Variants in HTR1E observed in about 807,000 individuals in gnomAD.
HTR1E encodes 5-hydroxytryptamine receptor 1E, also known as 5-HT-1E.
In HTR1E, 3 loss-of-function variants were observed where a neutral mutation model predicts 3.4. That is an observed-to-expected ratio of 0.89 (90% CI 0.41 to 2.31). The LOEUF (loss-of-function observed/expected upper bound fraction) is 2.31. Ranked by LOEUF, HTR1E falls within the 30% of genes most tolerant of loss-of-function variation. HTR1E has a pLI of 0.05. For synonymous variants in HTR1E, 170 were observed against 182.8 expected, an observed-to-expected ratio of 0.93 and a Z score of 0.56; for missense variants, 392 against 467.0, an observed-to-expected ratio of 0.84 and a Z score of 1.48.
intron 1 of HTR1E, among the ~76,000 whole-genome samples, chr6:86,980,386 CAA>C (rs200335569): frequency 1.4e-4 from 12 of 86,730 alleles, no homozygotes; most frequent in East Asian, 3.6e-4. Context: ...GACTCTGTCT[CAA>C]AAAAAAAAAA....
chr6:87,015,751 C>G lies in HTR1E; in HGVS notation c.417C>G (p.Ala139=), dbSNP rs146428063. The change falls in exon 2 of 2, where the codon GCC becomes GCG. Residue 139 remains alanine (A), a synonymous_variant. Transcript: ENST00000305344. ...CCAGGAAGAGGACGGCCAAGAGGGC[C>G]GCGCTGATGATCCTTACCGTCTGGA... The part of the protein sequence containing the change: ...EYARKRTAKR[A]ALMILTVWTI... 2 of 1,609,480 alleles carry G rather than the reference C, an allele frequency of 1.2e-6. No homozygotes were observed. The highest frequency in any genetic ancestry group is 1.1e-5 in the South Asian group (1 of 90,332).
intron 1 of HTR1E, among the ~76,000 whole-genome samples, chr6:87,004,532 T>C (rs1768074584): frequency 6.6e-6 from 1 of 151,526 alleles, no homozygotes; most frequent in African/African-American, 2.4e-5. Context: ...AAGCACTTGA[T>C]AAAATTCAAC....
chr6:86,996,283 C>A (rs865866818), intron 1 of HTR1E, among the ~76,000 whole-genome samples: 1 of 152,080 alleles, frequency 6.6e-6, no homozygotes, highest in Non-Finnish European at 1.5e-5. Context: ...TGGAACCCAA[C>A]TAGAAATCAA....
intron 1 of HTR1E, among the ~76,000 whole-genome samples, chr6:87,013,667 TA>T (rs58139662): frequency 0.13 from 19,829 of 151,474 alleles, 2,086 homozygotes; most frequent in East Asian, 0.29. Context: ...TTTTCAAATG[TA>T]AAAAAAAGCC....
At chr6:86,944,953 G>T (rs1459823669) in intron 1 of HTR1E, among the ~76,000 whole-genome samples, 1 of 151,790 alleles carries the variant, frequency 6.6e-6, no homozygotes, top group Non-Finnish European at 1.5e-5. Flanking sequence ...ATAAACAACT[G>T]TTACTGGTTT....
At chr6:86,963,886 A>G (rs1474900665) in intron 1 of HTR1E, among the ~76,000 whole-genome samples, 1 of 152,210 alleles carries the variant, frequency 6.6e-6, no homozygotes, top group Non-Finnish European at 1.5e-5. Flanking sequence ...TAAGCAATGC[A>G]GGACTATACT....
At chr6:87,007,933 C>CAA (rs57527652) in intron 1 of HTR1E, among the ~76,000 whole-genome samples, 6 of 146,906 alleles carry the variant, frequency 4.1e-5, no homozygotes, top group African/African-American at 1.5e-4. Flanking sequence ...GATTCTGTCT[C>CAA]AAAAAAAAAA....
chr6:86,950,664 A>G (rs142481774), intron 1 of HTR1E, among the ~76,000 whole-genome samples: 21 of 152,318 alleles, frequency 1.4e-4, no homozygotes, highest in African/African-American at 3.8e-4. Flanking sequence ...AGCACTCAAA[A>G]ATAATAAGAC....
chr6:86,985,985 T>C (rs1251891832), intron 1 of HTR1E, among the ~76,000 whole-genome samples: 1 of 152,174 alleles, frequency 6.6e-6, no homozygotes, highest in Non-Finnish European at 1.5e-5. Context: ...CAGATTAAAT[T>C]TACTGGAATT....
intron 1 of HTR1E, among the ~76,000 whole-genome samples, chr6:86,944,292 A>G (rs1768584879): frequency 6.6e-6 from 1 of 152,220 alleles, no homozygotes; most frequent in Non-Finnish European, 1.5e-5. Context: ...GGAAGGGATT[A>G]CACAGTGGGA....
intron 1 of HTR1E, among the ~76,000 whole-genome samples, chr6:86,952,669 A>G (rs926227200): frequency 6.6e-6 from 1 of 152,152 alleles, no homozygotes; most frequent in Non-Finnish European, 1.5e-5. Context: ...AATGTCATCA[A>G]TGGGCCCCTC....
intron 1 of HTR1E, among the ~76,000 whole-genome samples, chr6:86,938,163 G>T (rs562971022): frequency 2.6e-5 from 4 of 152,320 alleles, no homozygotes; most frequent in South Asian, 2.1e-4. Context: ...CGGGTGCTGG[G>T]GGGGGCCAGG....
intron 1 of HTR1E, among the ~76,000 whole-genome samples, chr6:86,939,231 C>G (rs1362511286): frequency 6.6e-6 from 1 of 152,210 alleles, no homozygotes; most frequent in Non-Finnish European, 1.5e-5. Flanking sequence ...CTTTAGCCTC[C>G]AGCCCACGGA....
chr6:87,003,863 C>T (rs1200788218), intron 1 of HTR1E, among the ~76,000 whole-genome samples: 1 of 151,918 alleles, frequency 6.6e-6, no homozygotes, highest in Non-Finnish European at 1.5e-5. Context: ...AATAGACAAA[C>T]TATTAGTCAA....
chr6:86,949,908 T>C (rs1193156101), intron 1 of HTR1E, among the ~76,000 whole-genome samples: 1 of 152,196 alleles, frequency 6.6e-6, no homozygotes. Flanking sequence ...TCTTGGTTAG[T>C]AGGCTCCCGT....
chr6:86,947,065 G>A (rs1463647555), intron 1 of HTR1E, among the ~76,000 whole-genome samples: 4 of 151,926 alleles, frequency 2.6e-5, no homozygotes, highest in Non-Finnish European at 5.9e-5. Flanking sequence ...GTGGTGAGCC[G>A]AGATCGCGCC....
intron 1 of HTR1E, among the ~76,000 whole-genome samples, chr6:86,962,373 C>T (rs565992405): frequency 6.6e-6 from 1 of 152,294 alleles, no homozygotes; most frequent in African/African-American, 2.4e-5. Context: ...TACAGTCATA[C>T]ACCACATAAT....
intron 1 of HTR1E, among the ~76,000 whole-genome samples, chr6:86,983,820 A>G (rs1331416677): frequency 6.6e-6 from 1 of 152,192 alleles, no homozygotes; most frequent in Non-Finnish European, 1.5e-5. Flanking sequence ...TCTATTTATA[A>G]CTGATTGAAT....
At chr6:87,004,646 G>A (rs1313826263) in intron 1 of HTR1E, among the ~76,000 whole-genome samples, 1 of 151,962 alleles carries the variant, frequency 6.6e-6, no homozygotes, top group Admixed American at 6.6e-5. Context: ...ATAATGAGTG[G>A]GGAAAAACTG....
Sources: allele counts gnomAD v4.1 joint callset (sites outside exome capture counted in the v4.1 genomes callset), GRCh38; gene constraint gnomAD v4.1.1; transcripts MANE v1.5; gene names NCBI Gene and HGNC (gene_info 2026-07-23, HGNC 2026-07-21).